SMYD3: variants seen among roughly 807,000 people sequenced by gnomAD.
The protein encoded by SMYD3 is SET and MYND domain containing 3.
SMYD3 carries 36 observed loss-of-function variants against 57.7 expected under a neutral mutation model. That is an observed-to-expected ratio of 0.62 (90% CI 0.48 to 0.82). SMYD3 has a LOEUF of 0.82. SMYD3 is among the 40% of genes least tolerant of loss of function. The pLI is 0.00. For missense variants in SMYD3, 515 were observed against 538.8 expected, an observed-to-expected ratio of 0.96 and a Z score of 0.44; for synonymous variants, 211 against 195.0, an observed-to-expected ratio of 1.08 and a Z score of -0.68.
At chr1:245,925,178 A>G (rs1230137662) in intron 7 of SMYD3, among the ~76,000 whole-genome samples, 1 of 152,176 alleles carries the variant, frequency 6.6e-6, no homozygotes, top group African/African-American at 2.4e-5. Flanking sequence ...CAAAATGTCT[A>G]AAATTTTTTC....
chr1:246,483,278 C>T (rs1342053909), intron 1 of SMYD3, among the ~76,000 whole-genome samples: 2 of 152,140 alleles, frequency 1.3e-5, no homozygotes, highest in South Asian at 4.1e-4. Context: ...AAAACATTCA[C>T]ATTAATTCAA....
intron 5 of SMYD3, among the ~76,000 whole-genome samples, chr1:246,029,770 A>T (rs2059637614): frequency 6.6e-6 from 1 of 152,006 alleles, no homozygotes; most frequent in Non-Finnish European, 1.5e-5. Context: ...CACCAGGGAA[A>T]TACGAATCAA....
At chr1:246,088,466 C>T (rs1429765512) in intron 5 of SMYD3, among the ~76,000 whole-genome samples, 7 of 136,162 alleles carry the variant, frequency 5.1e-5, no homozygotes, top group South Asian at 2.4e-4. Context: ...AAAAATTAGC[C>T]GGGCGTGGTG....
chr1:246,245,200 A>G (rs745369268), intron 5 of SMYD3, among the ~76,000 whole-genome samples: 2 of 150,646 alleles, frequency 1.3e-5, no homozygotes, highest in African/African-American at 4.9e-5. Flanking sequence ...CAGGCCAGAC[A>G]TGGTGGCTGA....
chr1:246,478,836 C>T lies in SMYD3; in HGVS notation c.164+28218G>A, dbSNP rs1474327249. ...TGCTCATATATGCACACCTGTCCTC[C>T]GTCCTGGAGCTGGTACATAAGTGCT... On this transcript the variant is annotated intron_variant, in intron 1 of 11. Coordinates refer to ENST00000490107, the MANE Select transcript of SMYD3 (RefSeq NM_001167740.2). 4.7e-4 allele frequency among the ~76,000 whole-genome samples: 40 copies of T among 85,156 alleles called. 4 individuals carry two copies. The highest frequency in any genetic ancestry group is 1.0e-3 in the Admixed American group (7 of 6,998). 55.9% of individuals were successfully genotyped at this position (85,156 alleles called of 152,430 possible). A position where few individuals can be genotyped will look rare whatever the true frequency, so the allele number is the denominator to read the frequency against.
At chr1:245,889,530 C>A (rs775351939) in intron 8 of SMYD3, among the ~76,000 whole-genome samples, 11 of 152,224 alleles carry the variant, frequency 7.2e-5, no homozygotes, top group Admixed American at 1.3e-4. Flanking sequence ...TGACCTCCAA[C>A]ACCTACTGTA....
At chr1:245,875,119 G>A (rs1245010230) in intron 8 of SMYD3, among the ~76,000 whole-genome samples, 1 of 152,230 alleles carries the variant, frequency 6.6e-6, no homozygotes, top group Non-Finnish European at 1.5e-5. Flanking sequence ...TTTGATTCCA[G>A]TAAACTCCAG....
rs547135856 is a variant in SMYD3, at chr1:245,800,588, C to G, written c.1077-36439G>C. On this transcript the variant is annotated intron_variant, in intron 10 of 11. Transcript: ENST00000490107. ...ACACAGCCCTGTCATGCAGATGTCC[C>G]TACGTAAATAAGCCATTAACTTCTC... 4.9e-4 allele frequency among the ~76,000 whole-genome samples: 75 copies of G among 152,278 alleles called. 1 individual carries two copies. Among genetic ancestry groups the G allele is most frequent in the African/African-American group, 1.7e-3 (72 of 41,558 alleles).
At chr1:245,969,613 C>T (rs765657205) in intron 5 of SMYD3, among the ~76,000 whole-genome samples, 14 of 152,150 alleles carry the variant, frequency 9.2e-5, no homozygotes, top group Non-Finnish European at 1.9e-4. Flanking sequence ...CCAAACTAAC[C>T]AAGGGGGGAA....
chr1:246,073,544 C>T (rs1290468019), intron 5 of SMYD3, among the ~76,000 whole-genome samples: 3 of 151,860 alleles, frequency 2.0e-5, no homozygotes, highest in Admixed American at 6.6e-5. Context: ...TGGCAAAACC[C>T]GATCTCTACA....
intron 2 of SMYD3, among the ~76,000 whole-genome samples, chr1:246,343,095 A>C (rs955311140): frequency 6.6e-6 from 1 of 152,250 alleles, no homozygotes; most frequent in Admixed American, 6.5e-5. Context: ...GACAAAAATC[A>C]TATGGCCACA....
Position 246,209,190 on chromosome 1 carries a change from A to C in SMYD3, c.531+118011T>G, listed in dbSNP as rs199586154. Among the ~76,000 whole-genome samples, 10 of 152,282 alleles carry C rather than the reference A, an allele frequency of 6.6e-5. No individual in the cohort carries two copies. In the East Asian group the frequency reaches 1.9e-3, roughly 29 times the overall value. ...ATTGTGTCATACACATTCAATGAAC[A>C]TCATTCCAGTGAGGGACCAAGAACG... On this transcript the variant is annotated intron_variant, in intron 5 of 11. Transcript: ENST00000490107.
intron 1 of SMYD3, among the ~76,000 whole-genome samples, chr1:246,489,262 C>T (rs892348298): frequency 6.6e-6 from 1 of 152,046 alleles, no homozygotes; most frequent in Non-Finnish European, 1.5e-5. Context: ...AGGAGAATGG[C>T]GTGAACCCGG....
chr1:245,866,460 G>A (rs894379890), intron 8 of SMYD3, among the ~76,000 whole-genome samples: 1 of 152,128 alleles, frequency 6.6e-6, no homozygotes, highest in Admixed American at 6.5e-5. Context: ...GGCTGGATGC[G>A]GCGGCTCATG....
intron 5 of SMYD3, among the ~76,000 whole-genome samples, chr1:245,940,013 C>T (rs960904471): frequency 5.9e-5 from 9 of 152,164 alleles, no homozygotes; most frequent in South Asian, 2.1e-4. Flanking sequence ...TGCAGCATAG[C>T]GGCTATGGCA....
At chr1:246,392,797 A>G (rs1309944933) in intron 1 of SMYD3, among the ~76,000 whole-genome samples, 1 of 108,072 alleles carries the variant, frequency 9.3e-6, no homozygotes, top group African/African-American at 3.7e-5. Flanking sequence ...AAAAAAAGAA[A>G]AAGAAAAAGA....
At chr1:245,989,809 T>G (rs1176552954) in intron 5 of SMYD3, among the ~76,000 whole-genome samples, 1 of 152,226 alleles carries the variant, frequency 6.6e-6, no homozygotes, top group African/African-American at 2.4e-5. Flanking sequence ...CTTATTAAAC[T>G]TACTCAGAGC....
chr1:246,403,952 G>A lies in SMYD3; in HGVS notation c.165-48858C>T, dbSNP rs921035068. On this transcript the variant is annotated intron_variant, in intron 1 of 11. Coordinates refer to ENST00000490107, the MANE Select transcript of SMYD3 (RefSeq NM_001167740.2). ...CCTGATTCAAAGTCAAGGGTCTCAT[G>A]GAAATTTATTCAGGTTTGGATGCAC... 3.3e-5 allele frequency among the ~76,000 whole-genome samples: 5 copies of A among 152,144 alleles called. No homozygotes were observed. In the East Asian group the frequency reaches 5.8e-4, roughly 18 times the overall value.
intron 1 of SMYD3, among the ~76,000 whole-genome samples, chr1:246,474,413 G>A (rs2068000844): frequency 6.6e-6 from 1 of 151,434 alleles, no homozygotes; most frequent in South Asian, 2.1e-4. Flanking sequence ...CAGCTACTCA[G>A]GAGGCTGAGG....
Sources: allele counts gnomAD v4.1 joint callset (sites outside exome capture counted in the v4.1 genomes callset), GRCh38; gene constraint gnomAD v4.1.1; transcripts MANE v1.5; gene names NCBI Gene and HGNC (gene_info 2026-07-23, HGNC 2026-07-21).